TSHZ2: variants seen among roughly 807,000 people sequenced by gnomAD.
The protein encoded by TSHZ2 is teashirt zinc finger homeobox 2.
In TSHZ2, 21 loss-of-function variants were observed where a neutral mutation model predicts 74.4. That is an observed-to-expected ratio of 0.28 (90% CI 0.20 to 0.41). The LOEUF (loss-of-function observed/expected upper bound fraction) is 0.41. TSHZ2 is among the 10% of genes least tolerant of loss of function. The probability of loss-of-function intolerance (pLI) is 1.00; values close to 1 mark genes in which losing one functional copy is unlikely to be tolerated. For synonymous variants in TSHZ2, 540 were observed against 515.3 expected, an observed-to-expected ratio of 1.05 and a Z score of -0.65; for missense variants, 1,244 against 1,293.5, an observed-to-expected ratio of 0.96 and a Z score of 0.59.
chr20:53,196,640 T>C (rs566700325), intron 1 of TSHZ2: 1 of 152,208 alleles, frequency 6.6e-6, no homozygotes, highest in Non-Finnish European at 1.5e-5. Flanking sequence ...GTCGGAAGCA[T>C]TTAGAATGGT....
chr20:53,207,858 C>CTTTTTTTTTTTT (rs58457116), intron 1 of TSHZ2, among the ~76,000 whole-genome samples: 2 of 96,696 alleles, frequency 2.1e-5, no homozygotes, highest in Admixed American at 2.6e-4. Flanking sequence ...CATTGTTTTA[C>CTTTTTTTTTTTT]TTTTTTTTTT....
chr20:53,289,187 T>TAC (rs34138995), intron 2 of TSHZ2, among the ~76,000 whole-genome samples: 44,711 of 152,036 alleles, frequency 0.29, 7,473 homozygotes, highest in South Asian at 0.4. Context: ...GGTGTATATA[T>TAC]ACCACATTTT....
intron 2 of TSHZ2, among the ~76,000 whole-genome samples, chr20:53,462,237 C>T (rs946692214): frequency 1.3e-5 from 2 of 152,054 alleles, no homozygotes; most frequent in Admixed American, 6.6e-5. Context: ...CTGGGTGACA[C>T]TGCAAAACCC....
intron 1 of TSHZ2, among the ~76,000 whole-genome samples, chr20:53,084,685 C>T (rs1985640757): frequency 1.3e-5 from 1 of 75,896 alleles, no homozygotes; most frequent in African/African-American, 5.2e-5. Context: ...CTCCCTCCCT[C>T]CCTCCCTCTC....
chr20:53,338,117 G>A (rs1980030429), intron 2 of TSHZ2, among the ~76,000 whole-genome samples: 1 of 152,222 alleles, frequency 6.6e-6, no homozygotes. Context: ...CAAACTCTTT[G>A]CAAGGTGCTG....
chr20:52,973,423 A>G (rs1568699201), intron 1 of TSHZ2, 90 bp downstream of exon 1: 2 of 1,495,656 alleles, frequency 1.3e-6, no homozygotes, highest in African/African-American at 1.4e-5. Flanking sequence ...GGCACCACCC[A>G]CTTAAGCTTT....
At chr20:53,260,110 C>G (rs1164778634) in intron 2 of TSHZ2, among the ~76,000 whole-genome samples, 2 of 151,960 alleles carry the variant, frequency 1.3e-5, no homozygotes, top group African/African-American at 4.8e-5. Context: ...TTCCTTTCAT[C>G]CTTCAACAAA....
intron 1 of TSHZ2, among the ~76,000 whole-genome samples, chr20:53,027,659 T>A (rs1456274056): frequency 6.6e-6 from 1 of 152,112 alleles, no homozygotes; most frequent in East Asian, 1.9e-4. Context: ...AGACCCCTGC[T>A]GGGTGCAGGG....
chr20:53,129,752 G>A lies in TSHZ2; in HGVS notation c.41-123747G>A, dbSNP rs754098061. Among the ~76,000 whole-genome samples the A allele has an allele frequency of 1.1e-3, 165 of 152,054 alleles. 1 individual carries two copies. Among genetic ancestry groups the A allele is most frequent in the Non-Finnish European group, 2.0e-3 (134 of 68,014 alleles). On this transcript the variant is annotated intron_variant, in intron 1 of 2. Coordinates refer to ENST00000371497, the MANE Select transcript of TSHZ2 (RefSeq NM_173485.6). ...GTCAGTCTACGCAGAGTGGCTCTGCGTGTCTTCTCCCCTCCCGTGCCTTGC... is the reference window on the plus strand; with the variant it reads ...GTCAGTCTACGCAGAGTGGCTCTGCATGTCTTCTCCCCTCCCGTGCCTTGC...
In TSHZ2 at chr20:53,206,213, G is replaced by A. The variant is rs149338241; in HGVS notation, c.41-47286G>A. 3.7e-3 allele frequency among the ~76,000 whole-genome samples: 569 copies of A among 152,138 alleles called. 1 individual carries two copies. The highest frequency in any genetic ancestry group is 0.027 in the Middle Eastern group (8 of 294). The stretch of plus-strand genomic sequence containing the variant: ...CAGCCTGACGGCAGAGCCAGACGCC[G>A]TCTCAAAAAAATTAAATAAAAAATA... On this transcript the variant is annotated intron_variant, in intron 1 of 2. Coordinates refer to ENST00000371497, the MANE Select transcript of TSHZ2 (RefSeq NM_173485.6).
chr20:53,243,772 GC>G (rs1270170592), intron 1 of TSHZ2, among the ~76,000 whole-genome samples: 2 of 151,494 alleles, frequency 1.3e-5, no homozygotes, highest in African/African-American at 4.8e-5. Context: ...TTCTGATAGT[GC>G]CAATGTAGCT....
chr20:52,986,077 A>T (rs1334213245), intron 1 of TSHZ2, among the ~76,000 whole-genome samples: 1 of 152,192 alleles, frequency 6.6e-6, no homozygotes, highest in Non-Finnish European at 1.5e-5. Flanking sequence ...AGACTTTAGC[A>T]AGCAAAGATA....
At chr20:53,195,457 C>T (rs1988840546) in intron 1 of TSHZ2, among the ~76,000 whole-genome samples, 1 of 152,112 alleles carries the variant, frequency 6.6e-6, no homozygotes. Flanking sequence ...AAAATATGAA[C>T]GTTCATCATC....
chr20:53,082,903 C>T (rs1483851163), intron 1 of TSHZ2, among the ~76,000 whole-genome samples: 1 of 152,178 alleles, frequency 6.6e-6, no homozygotes, highest in Non-Finnish European at 1.5e-5. Context: ...ATTTCAAATT[C>T]TTCTCTGATG....
chr20:53,435,020 GAAAAC>G (rs1701141827), intron 2 of TSHZ2, among the ~76,000 whole-genome samples: 1 of 152,132 alleles, frequency 6.6e-6, no homozygotes, highest in African/African-American at 2.4e-5. Context: ...ATAAAAGAGA[GAAAAC>G]AAAACCAAAA....
chr20:53,342,960 T>TTTC (rs1568877080), intron 2 of TSHZ2, among the ~76,000 whole-genome samples: 1 of 110,778 alleles, frequency 9.0e-6, no homozygotes, highest in Non-Finnish European at 1.9e-5. Flanking sequence ...CTTTTCTTTT[T>TTTC]TTTTTTTTTT....
chr20:53,419,089 C>T (rs942557534), intron 2 of TSHZ2, among the ~76,000 whole-genome samples: 3 of 152,164 alleles, frequency 2.0e-5, no homozygotes, highest in South Asian at 2.1e-4. Context: ...GGGAAGTTGG[C>T]GCTAATTGTT....
chr20:53,028,073 G>C (rs1348181836), intron 1 of TSHZ2, among the ~76,000 whole-genome samples: 1 of 152,162 alleles, frequency 6.6e-6, no homozygotes, highest in African/African-American at 2.4e-5. Flanking sequence ...TTAAGAAGCA[G>C]CATCTACAGA....
At chr20:53,264,437 G>A (rs1324167127) in intron 2 of TSHZ2, among the ~76,000 whole-genome samples, 4 of 152,264 alleles carry the variant, frequency 2.6e-5, no homozygotes, top group East Asian at 1.9e-4. Flanking sequence ...AACAGACAAT[G>A]TTTCAAAGCA....
Sources: allele counts gnomAD v4.1 joint callset (sites outside exome capture counted in the v4.1 genomes callset), GRCh38; gene constraint gnomAD v4.1.1; transcripts MANE v1.5; gene names NCBI Gene and HGNC (gene_info 2026-07-23, HGNC 2026-07-21).